Variants in SMARCC2 observed in about 807,000 individuals in gnomAD.
SMARCC2 encodes SWI/SNF complex subunit SMARCC2.
In SMARCC2, 15 loss-of-function variants were observed where a neutral mutation model predicts 151.3. The observed-to-expected ratio is 0.10, with a 90% confidence interval of 0.07 to 0.15. SMARCC2 has a LOEUF of 0.15. Among genes scored for constraint, SMARCC2 ranks in the 10% least tolerant of loss-of-function variants. The pLI is 1.00. For missense variants in SMARCC2, 1,031 were observed against 1,599.7 expected (o/e 0.64, Z 6.06); for synonymous variants, 590 against 609.5 (o/e 0.97, Z 0.47).
In SMARCC2 at chr12:56,164,427, C is replaced by T. The variant is rs752952061; in HGVS notation, c.3537G>A (p.Pro1179=). The change falls in exon 28 of 29, where the codon CCG becomes CCA. Residue 1179 remains proline, a synonymous_variant. Coordinates refer to ENST00000550164, the MANE Select transcript of SMARCC2 (RefSeq NM_001330288.2). ...SMANPLHPNL[P]ATTTMPSSLP... ...AGGAAGATGGCATGGTGGTGGTCGC[C>T]GGCAGGTTAGGATGTAGAGGGTTCG... 9.9e-6 allele frequency: 16 copies of T among 1,613,832 alleles called. No homozygotes were observed. The highest frequency in any genetic ancestry group is 3.3e-5 in the South Asian group (3 of 91,074).
At chr12:56,178,673 G>T in intron 13 of SMARCC2, 137 bp downstream of exon 13, 1 of 1,374,534 alleles carries the variant, frequency 7.3e-7, no homozygotes, top group Non-Finnish European at 1.0e-6. Context: ...GACTCTGAAA[G>T]GGTCAGAGTT....
chr12:56,183,150 T>TTTTTG (rs983724253), intron 7 of SMARCC2, among the ~76,000 whole-genome samples: 338 of 151,906 alleles, frequency 2.2e-3, no homozygotes, highest in African/African-American at 5.8e-3. Flanking sequence ...TACGTGCTAT[T>TTTTTG]TTTTGTTTTG....
At chr12:56,184,456 T>C in intron 5 of SMARCC2, 1 of 580,160 alleles carries the variant, frequency 1.7e-6, no homozygotes. Context: ...TTGCCAAAAA[T>C]AATCTTCTGA....
intron 27 of SMARCC2, among the ~76,000 whole-genome samples, 159 bp downstream of exon 27, chr12:56,165,158 GA>G (rs2135634733): frequency 6.6e-6 from 1 of 152,350 alleles, no homozygotes; most frequent in South Asian, 2.1e-4. Flanking sequence ...CGAGTTTGGG[GA>G]AGGACTCCTG....
chr12:56,165,835 G>C, intron 26 of SMARCC2, 136 bp from the exon 27 acceptor site: 1 of 851,066 alleles, frequency 1.2e-6, no homozygotes, highest in East Asian at 2.6e-5. Context: ...TCTTGTGCTT[G>C]TGCTCCCTCT....
rs1322161809 is a variant in SMARCC2 at position 56,171,545 on chromosome 12, A to G, written c.2186-113T>C. On this transcript the variant is annotated intron_variant, in intron 21 of 28. Coordinates refer to ENST00000550164, the MANE Select transcript of SMARCC2 (RefSeq NM_001330288.2). This position sits in a 1 kb window ranked among gnomAD's most constrained non-coding sequence, Gnocchi z 4.2. ...CTTCATCTAAGCTAGTATGGAGCCT[A>G]GACAGGTGCCTGAGCTGAGGCCCGC... The G allele has an allele frequency of 6.6e-7, 1 of 1,517,242 alleles. No individual in the cohort carries two copies. Among genetic ancestry groups the G allele is most frequent in the Non-Finnish European group, 9.0e-7 (1 of 1,111,782 alleles). The allele number at this position is 1,517,242 out of a possible 1,614,324, so 94.0% of individuals were successfully genotyped here. A position where few individuals can be genotyped will look rare whatever the true frequency, so the allele number is the denominator to read the frequency against.
chr12:56,173,701 G>A lies in SMARCC2; in HGVS notation c.1645C>T (p.Pro549Ser). 1 of 1,612,476 alleles carries A rather than the reference G, an allele frequency of 6.2e-7. No individual in the cohort carries two copies. Among genetic ancestry groups the A allele is most frequent in the Non-Finnish European group, 8.5e-7 (1 of 1,179,084 alleles). ...SGLVPLQPKT[P>S]QGRQVDADTK... ...CCCATAGCACCTCACCCTACCTGAG[G>A]TGTCTTGGGCTGCAGAGGCACCAGC... is the stretch of plus-strand genomic sequence containing the variant. Residue 549 changes from proline (P) to serine (S), a missense_variant, in exon 17 of 29, where the codon CCT (proline) becomes TCT (serine). Physicochemically the swap from Pro to Ser is moderately conservative, Grantham distance 74. Transcript: ENST00000550164.
At chr12:56,173,577 A>G (rs1874363320) in intron 17 of SMARCC2, 119 bp downstream of exon 17, 2 of 902,816 alleles carry the variant, frequency 2.2e-6, no homozygotes, top group Non-Finnish European at 3.4e-6. Context: ...TTTGCATCCC[A>G]TGGAAAAGGA....
Position 56,172,472 on chromosome 12 carries a change from C to A in SMARCC2, c.1882G>T (p.Ala628Ser). Reference protein sequence around the residue: ...VPSKSKAAASATREWTEQETL... With the variant: ...VPSKSKAAASSTREWTEQETL... Reference sequence around the variant, plus strand: ...TCCTGTTCTGTCCACTCACGAGTGGCACTGGCTGCAGCCTTGCTCTGCAGG... The same window carrying A: ...TCCTGTTCTGTCCACTCACGAGTGGAACTGGCTGCAGCCTTGCTCTGCAGG... The change falls in exon 20 of 29, where the codon GCC (alanine) becomes TCC (serine). Residue 628 changes from alanine to serine, a missense_variant. Physicochemically the swap from Ala to Ser is moderately conservative, Grantham distance 99. Around this residue, in one of 12 missense-constraint regions of SMARCC2, gnomAD observed 99 missense variants for 148.3 expected, o/e 0.67. Transcript: ENST00000550164. 1 of 1,596,712 alleles carries A rather than the reference C, an allele frequency of 6.3e-7. No individual in the cohort carries two copies. Among genetic ancestry groups the A allele is most frequent in the South Asian group, 1.1e-5 (1 of 89,578 alleles).
chr12:56,164,735 A>G lies in SMARCC2; in HGVS notation c.3233-4T>C, dbSNP rs1318816808. On this transcript the variant is annotated splice_region_variant and splice_polypyrimidine_tract_variant and intron_variant, in intron 27 of 28. Transcript: ENST00000550164. ...TGGTTGGGGAACGGTGAGGGGCCTG[A>G]GAATAAAGATGAGAGATGGAGAAAA... is the stretch of plus-strand genomic sequence containing the variant. The G allele has an allele frequency of 1.9e-6, 3 of 1,597,734 alleles. No homozygotes were observed. Among genetic ancestry groups the G allele is most frequent in the Non-Finnish European group, 2.6e-6 (3 of 1,171,400 alleles).
At position 56,173,814 on chromosome 12, in the gene SMARCC2, T is replaced by C. The variant is rs768208986; in HGVS notation, c.1532A>G (p.Asn511Ser). 2 of 1,613,942 alleles carry C rather than the reference T, an allele frequency of 1.2e-6. No homozygotes were observed. Among genetic ancestry groups the C allele is most frequent in the Non-Finnish European group, 1.7e-6 (2 of 1,179,930 alleles). Residue 511 changes from asparagine to serine, a missense_variant, in exon 17 of 29, where the codon AAC becomes AGC. Asn to Ser is a conservative substitution (Grantham distance 46, BLOSUM62 1). Transcript: ENST00000550164. ...TCGACTCTCAGCATCCACCTGGTAG[T>C]TAATAAGACCCCACTGTTCTAGGAA... The part of the protein sequence containing the change: ...HAFLEQWGLI[N>S]YQVDAESRPT...
rs1006543737 is a variant in SMARCC2 at position 56,171,669 on chromosome 12, C to T, written c.2185+10G>A. ...TAAGAAGGCCAGGTGGAACCACCCA[C>T]CCCCATTACCTAGGGCTGACTTTGC... On this transcript the variant is annotated intron_variant, in intron 21 of 28. Transcript: ENST00000550164. This position sits in a 1 kb window ranked among gnomAD's most constrained non-coding sequence, Gnocchi z 4.2. 8 of 1,533,026 alleles carry T rather than the reference C, an allele frequency of 5.2e-6. No homozygotes were observed. Among genetic ancestry groups the T allele is most frequent in the Middle Eastern group, 3.7e-4 (2 of 5,368 alleles). 95.0% of individuals were successfully genotyped at this position (1,533,026 alleles called of 1,614,324 possible). A position where few individuals can be genotyped will look rare whatever the true frequency, so the allele number is the denominator to read the frequency against.
At chr12:56,168,277 C>T in intron 25 of SMARCC2, 83 bp from the exon 26 acceptor site, 1 of 1,521,330 alleles carries the variant, frequency 6.6e-7, no homozygotes, top group Non-Finnish European at 9.0e-7. Flanking sequence ...TGGATGCTGG[C>T]AGGTATAAGA....
rs1229464293 is a variant in SMARCC2 at position 56,162,383 on chromosome 12, TAAAA to T, written c.*1302_*1305del. On this transcript the variant is annotated 3_prime_UTR_variant, in exon 29 of 29. Transcript: ENST00000550164. ...ATGGAACTGAAAGCAAATTAATTTA[TAAAA>T]AAAAAAAAAAGAAAGAAAGAAAAAA... is the stretch of plus-strand genomic sequence containing the variant. 1.5e-5 allele frequency: 7 copies of T among 460,150 alleles called. No homozygotes were observed. The highest frequency in any genetic ancestry group is 8.6e-5 in the African/African-American group (3 of 34,932). 28.5% of individuals were successfully genotyped at this position (460,150 alleles called of 1,614,324 possible).
At chr12:56,168,576 G>A (rs1314673866) in intron 25 of SMARCC2, among the ~76,000 whole-genome samples, 1 of 152,080 alleles carries the variant, frequency 6.6e-6, no homozygotes, top group African/African-American at 2.4e-5. Flanking sequence ...GTTTCACCAT[G>A]TTGGCCAGGC....
At chr12:56,182,390 T>C (rs1387058211) in intron 7 of SMARCC2, among the ~76,000 whole-genome samples, 1 of 151,736 alleles carries the variant, frequency 6.6e-6, no homozygotes, top group Non-Finnish European at 1.5e-5. Flanking sequence ...AGTGGCGCGA[T>C]CTCGGCTCAC....
At position 56,168,125 on chromosome 12, in the gene SMARCC2, T is replaced by G; in HGVS notation, c.2785A>C (p.Lys929Gln). ...AAGTGCCGAAGTTTGATCTCCAACT[T>G]TTTCATCTGGGTCTCCACCAGCAGG... is the stretch of plus-strand genomic sequence containing the variant. Reference protein sequence around the residue: ...VALLVETQMKKLEIKLRHFEE... With the variant: ...VALLVETQMKQLEIKLRHFEE... Residue 929 changes from lysine (K) to glutamine (Q), a missense_variant, in exon 26 of 29, where the codon AAG becomes CAG. Coordinates refer to ENST00000550164, the MANE Select transcript of SMARCC2 (RefSeq NM_001330288.2). The G allele has an allele frequency of 1.2e-6, 2 of 1,614,134 alleles. No homozygotes were observed. The highest frequency in any genetic ancestry group is 1.7e-6 in the Non-Finnish European group (2 of 1,180,028).
chr12:56,181,422 T>C, intron 10 of SMARCC2, 60 bp downstream of exon 10: 1 of 1,091,280 alleles, frequency 9.2e-7, no homozygotes. Context: ...TTGTCTTTCC[T>C]TCCTTCAACA....
intron 27 of SMARCC2, 147 bp downstream of exon 27, chr12:56,165,171 T>A: frequency 9.6e-7 from 1 of 1,036,980 alleles, no homozygotes; most frequent in African/African-American, 1.6e-5. Flanking sequence ...GGACTCCTGC[T>A]GATTTAGGGG....
Sources: gnomAD v4.1 joint callset for allele counts (sites outside exome capture counted in the v4.1 genomes callset) on GRCh38, gnomAD v4.1.1 for gene constraint, gnomAD v4.1.1 regional missense constraint, Gnocchi (gnomAD v3.1) non-coding constraint, MANE v1.5 for transcripts, NCBI Gene and HGNC (gene_info 2026-07-23, HGNC 2026-07-21) for gene names.